IGSF11: variants seen among roughly 807,000 people sequenced by gnomAD.
The protein encoded by IGSF11 is immunoglobulin superfamily member 11.
In IGSF11, 22 loss-of-function variants were observed where a neutral mutation model predicts 41.0. The observed-to-expected ratio is 0.54, with a 90% CI of 0.38 to 0.77. The LOEUF is 0.77. Among genes scored for constraint, IGSF11 ranks in the 30% least tolerant of loss-of-function variants. IGSF11 has a pLI of 0.00. For missense variants in IGSF11, 444 were observed against 530.8 expected, an observed-to-expected ratio of 0.84 and a Z score of 1.61; for synonymous variants, 219 against 201.3, an observed-to-expected ratio of 1.09 and a Z score of -0.74.
chr3:119,142,816 AG>A (rs1253406051), intron 1 of IGSF11, among the ~76,000 whole-genome samples: 1 of 152,232 alleles, frequency 6.6e-6, no homozygotes, highest in Admixed American at 6.5e-5. Flanking sequence ...CTTTCAAAAG[AG>A]AAAGACATTT....
intron 1 of IGSF11, among the ~76,000 whole-genome samples, chr3:119,129,877 CA>C (rs953687575): frequency 6.6e-6 from 1 of 151,924 alleles, no homozygotes; most frequent in Non-Finnish European, 1.5e-5. Context: ...CCCAGCTACT[CA>C]GGGAGCTGAG....
intron 1 of IGSF11, among the ~76,000 whole-genome samples, chr3:119,041,503 T>C (rs958089583): frequency 6.6e-6 from 1 of 152,062 alleles, no homozygotes; most frequent in South Asian, 2.1e-4. Context: ...GAGAATTGCT[T>C]GAACTCAGGA....
intron 1 of IGSF11, among the ~76,000 whole-genome samples, chr3:119,143,267 T>A (rs1358003791): frequency 6.6e-6 from 1 of 152,182 alleles, no homozygotes. Flanking sequence ...TTATAATAAA[T>A]CTATGTTAAT....
intron 1 of IGSF11, among the ~76,000 whole-genome samples, chr3:119,047,998 G>C (rs1465182881): frequency 1.3e-5 from 2 of 152,098 alleles, no homozygotes; most frequent in Non-Finnish European, 2.9e-5. Flanking sequence ...ATTCAAAGCA[G>C]TGTGTAGAGG....
At chr3:118,944,681 T>C (rs1943982243) in intron 1 of IGSF11, among the ~76,000 whole-genome samples, 1 of 152,186 alleles carries the variant, frequency 6.6e-6, no homozygotes, top group East Asian at 1.9e-4. Context: ...GTAGAACCTA[T>C]ATGCTCGGGT....
intron 1 of IGSF11, among the ~76,000 whole-genome samples, chr3:119,026,373 T>A (rs1447738894): frequency 6.6e-6 from 1 of 152,204 alleles, no homozygotes; most frequent in Non-Finnish European, 1.5e-5. Flanking sequence ...GCATTTCAAG[T>A]ACAGTCCATG....
At chr3:119,034,878 TC>T, upstream of IGSF11, 4 of 1,156,150 alleles carry the variant, frequency 3.5e-6, no homozygotes, top group Non-Finnish European at 3.2e-6. Context: ...GGGGAGCCAC[TC>T]CCCCCAACTC....
At chr3:119,010,275 A>T (rs1041143711) in intron 1 of IGSF11, among the ~76,000 whole-genome samples, 1 of 152,218 alleles carries the variant, frequency 6.6e-6, no homozygotes, top group Non-Finnish European at 1.5e-5. Context: ...GGTATTCCCC[A>T]GCAACCTTCT....
At chr3:118,929,345 T>A (rs1942636598) in intron 2 of IGSF11, among the ~76,000 whole-genome samples, 1 of 152,202 alleles carries the variant, frequency 6.6e-6, no homozygotes, top group Non-Finnish European at 1.5e-5. Context: ...ATAATAAGGT[T>A]GAACAAAATG....
chr3:118,916,266 T>C (rs1178024773), intron 4 of IGSF11, among the ~76,000 whole-genome samples: 44 of 150,642 alleles, frequency 2.9e-4, no homozygotes, highest in African/African-American at 9.7e-4. Context: ...CTATTAACTT[T>C]AAATGTAAAT....
At chr3:119,101,010 G>A (rs2076931198) in intron 1 of IGSF11, among the ~76,000 whole-genome samples, 1 of 152,146 alleles carries the variant, frequency 6.6e-6, no homozygotes, top group African/African-American at 2.4e-5. Context: ...CAAACTAGAA[G>A]AAACATAGAT....
intron 1 of IGSF11, among the ~76,000 whole-genome samples, chr3:118,934,765 C>T (rs1943116156): frequency 6.6e-6 from 1 of 152,160 alleles, no homozygotes; most frequent in South Asian, 2.1e-4. Flanking sequence ...GCAAGCCAGA[C>T]ATTTAGAGAC....
At chr3:119,011,388 G>C (rs972674040) in intron 1 of IGSF11, among the ~76,000 whole-genome samples, 24 of 152,178 alleles carry the variant, frequency 1.6e-4, no homozygotes, top group African/African-American at 5.6e-4. Context: ...TATATAAAAA[G>C]TCTGCCCAAG....
At chr3:118,971,686 C>T (rs977762371) in intron 1 of IGSF11, among the ~76,000 whole-genome samples, 2 of 152,076 alleles carry the variant, frequency 1.3e-5, no homozygotes, top group Non-Finnish European at 1.5e-5. Context: ...CACCTGTAAT[C>T]CCTGCTACTC....
In IGSF11 at chr3:119,073,121, C is replaced by T. The variant is rs1030008439; in HGVS notation, c.49+32023G>A. 2.6e-5 allele frequency among the ~76,000 whole-genome samples: 4 copies of T among 152,048 alleles called. No homozygotes were observed. In the South Asian group the frequency reaches 8.3e-4, roughly 32 times the overall value. On this transcript the variant is annotated intron_variant, in intron 1 of 6. Transcript: ENST00000354673. ...GATTGGTGTGTTTATAAACCTTGAG[C>T]TAGACACAGAGTGCTGATTGGTGTA... is the stretch of plus-strand genomic sequence containing the variant.
At chr3:119,117,509 A>G (rs142294012) in intron 1 of IGSF11, among the ~76,000 whole-genome samples, 189 of 152,300 alleles carry the variant, frequency 1.2e-3, no homozygotes, top group African/African-American at 4.4e-3. Context: ...CCTGCCCCCC[A>G]TGATTCAATT....
rs377280543 is a variant in IGSF11 at position 118,936,111 on chromosome 3, T to C, written c.53-5836A>G. 7.2e-4 allele frequency among the ~76,000 whole-genome samples: 109 copies of C among 152,276 alleles called. 2 individuals are homozygous for C. The East Asian group carries it at 0.012, about 16-fold the overall frequency. Reference sequence around the variant, plus strand: ...GCATTTTTGATGCTAAAATTTTTTCTATCCTATTAAAAAAACCAAAAACTC... The same window carrying C: ...GCATTTTTGATGCTAAAATTTTTTCCATCCTATTAAAAAAACCAAAAACTC... On this transcript the variant is annotated intron_variant, in intron 1 of 6. Coordinates refer to ENST00000393775, the MANE Select transcript of IGSF11 (RefSeq NM_001015887.3).
At chr3:119,073,620 G>C (rs191329328) in intron 1 of IGSF11, among the ~76,000 whole-genome samples, 2 of 152,296 alleles carry the variant, frequency 1.3e-5, no homozygotes, top group African/African-American at 4.8e-5. Context: ...GGGGCCCGGC[G>C]CACGCTCTGC....
intron 1 of IGSF11, among the ~76,000 whole-genome samples, chr3:118,964,891 G>A (rs1001628153): frequency 6.6e-6 from 1 of 152,126 alleles, no homozygotes; most frequent in Non-Finnish European, 1.5e-5. Flanking sequence ...GGTTCAGACT[G>A]GAAATATACT....
Sources: allele counts gnomAD v4.1 joint callset (sites outside exome capture counted in the v4.1 genomes callset), GRCh38; gene constraint gnomAD v4.1.1; transcripts MANE v1.5; gene names NCBI Gene and HGNC (gene_info 2026-07-23, HGNC 2026-07-21).